The following TNS3 variants were observed in gnomAD, a reference collection of about 807,000 sequenced individuals.
TNS3 encodes tensin-3.
A neutral mutation model predicts 140.9 loss-of-function variants in TNS3; 45 were observed. The observed-to-expected ratio is 0.32, with a 90% CI of 0.25 to 0.41. The LOEUF (loss-of-function observed/expected upper bound fraction) is 0.41, where lower values mean the gene tolerates loss of function less well. Among genes scored for constraint, TNS3 ranks in the 10% least tolerant of loss-of-function variants. The pLI, the probability that TNS3 is intolerant of heterozygous loss-of-function variation, is 1.00. For missense variants in TNS3, 1,716 were observed against 1,906.7 expected (o/e 0.90, Z 1.86); for synonymous variants, 815 against 788.4 (o/e 1.03, Z -0.56).
At chr7:47,428,141 C>T (rs549788526) in intron 9 of TNS3, among the ~76,000 whole-genome samples, 171 bp downstream of exon 9, 1 of 152,250 alleles carries the variant, frequency 6.6e-6, no homozygotes, top group Admixed American at 6.5e-5. Context: ...AGTGTAAACG[C>T]TTAACTGGAA....
At chr7:47,562,281 CATT>C (rs2151999783) in intron 1 of TNS3, among the ~76,000 whole-genome samples, 1 of 152,084 alleles carries the variant, frequency 6.6e-6, no homozygotes, top group African/African-American at 2.4e-5. Context: ...AAATCTTTAT[CATT>C]GATAGTTATC....
rs372105486 is a variant in TNS3, at chr7:47,303,441, G to A, written c.2966C>T (p.Pro989Leu). The change falls in exon 22 of 31, where the codon CCG becomes CTG. Residue 989 changes from proline (P) to leucine (L), a missense_variant. Coordinates refer to ENST00000311160, the MANE Select transcript of TNS3 (RefSeq NM_022748.12). ...GAAAGGAGCCTGGAGCTCTGACGGCGGGAAGCAGGACAGCACTGGGGAGTC... is the reference window on the plus strand; with the variant it reads ...GAAAGGAGCCTGGAGCTCTGACGGCAGGAAGCAGGACAGCACTGGGGAGTC... ...RKDSPVLSCF[P>L]PSELQAPFHS... The A allele has an allele frequency of 4.3e-6, 7 of 1,613,222 alleles. No homozygotes were observed. Among genetic ancestry groups the A allele is most frequent in the African/African-American group, 1.3e-5 (1 of 75,054 alleles).
chr7:47,316,755 G>A (rs1787436224), intron 20 of TNS3, among the ~76,000 whole-genome samples: 1 of 142,554 alleles, frequency 7.0e-6, no homozygotes, highest in African/African-American at 2.6e-5. Context: ...TCCAGCCTGG[G>A]CAACAGAGCG....
chr7:47,477,421 G>A (rs1258421763), intron 4 of TNS3, among the ~76,000 whole-genome samples: 1 of 152,162 alleles, frequency 6.6e-6, no homozygotes, highest in Admixed American at 6.5e-5. Flanking sequence ...GGGGCCGCCA[G>A]CACAGGACAG....
At chr7:47,435,123 T>C (rs1299445852) in intron 8 of TNS3, among the ~76,000 whole-genome samples, 159 bp downstream of exon 8, 1 of 152,118 alleles carries the variant, frequency 6.6e-6, no homozygotes, top group African/African-American at 2.4e-5. Context: ...CTCTGTTTCC[T>C]TCTTTAAGAG....
chr7:47,580,368 T>C (rs1181405311), intron 1 of TNS3, among the ~76,000 whole-genome samples: 1 of 152,222 alleles, frequency 6.6e-6, no homozygotes, highest in African/African-American at 2.4e-5. Context: ...TGAAATGAAA[T>C]GAATGCATGC....
intron 28 of TNS3, among the ~76,000 whole-genome samples, chr7:47,281,043 C>G (rs1463414289): frequency 6.6e-6 from 1 of 152,194 alleles, no homozygotes; most frequent in African/African-American, 2.4e-5. Flanking sequence ...CTCCAGGCTC[C>G]GAGCCTTGGT....
chr7:47,555,621 C>G (rs953378742), intron 1 of TNS3, among the ~76,000 whole-genome samples: 7 of 152,142 alleles, frequency 4.6e-5, no homozygotes, highest in African/African-American at 1.7e-4. Flanking sequence ...CACAGCCACC[C>G]CAACCTTCAG....
intron 1 of TNS3, among the ~76,000 whole-genome samples, chr7:47,580,512 CCACCCCCTGTGCTACCA>C (rs1377963949): frequency 1.9e-4 from 28 of 149,938 alleles, no homozygotes; most frequent in South Asian, 1.5e-3. Context: ...TACACACCCC[CCACCCCCTGTGCTACCA>C]CACCCCCACC....
intron 15 of TNS3, among the ~76,000 whole-genome samples, chr7:47,399,316 GA>G (rs922922326): frequency 3.4e-4 from 50 of 148,680 alleles, no homozygotes; most frequent in African/African-American, 6.9e-4. Context: ...CACGAAATTG[GA>G]AAAAAAAAAT....
chr7:47,484,852 G>A (rs1348994336), intron 3 of TNS3, among the ~76,000 whole-genome samples: 3 of 152,222 alleles, frequency 2.0e-5, no homozygotes, highest in African/African-American at 7.2e-5. Context: ...TCACTGGACA[G>A]AGGGAAGCAC....
chr7:47,366,463 C>T (rs1373084189), intron 17 of TNS3, among the ~76,000 whole-genome samples: 1 of 152,226 alleles, frequency 6.6e-6, no homozygotes, highest in South Asian at 2.1e-4. Context: ...CCGGGCCAGG[C>T]ACTGGGATAG....
intron 17 of TNS3, among the ~76,000 whole-genome samples, chr7:47,347,914 G>A (rs1303335999): frequency 6.6e-6 from 1 of 152,148 alleles, no homozygotes; most frequent in Non-Finnish European, 1.5e-5. Context: ...AGGATTAAAT[G>A]AAATGAAATG....
intron 2 of TNS3, among the ~76,000 whole-genome samples, chr7:47,517,403 C>A (rs1223062339): frequency 6.6e-6 from 1 of 152,158 alleles, no homozygotes; most frequent in Non-Finnish European, 1.5e-5. Context: ...ACAGGGCAAG[C>A]CTCAGATAAG....
chr7:47,468,737 CTAT>C (rs1196933896), intron 4 of TNS3, among the ~76,000 whole-genome samples: 1 of 152,254 alleles, frequency 6.6e-6, no homozygotes, highest in East Asian at 1.9e-4. Context: ...AGAAAAAAAA[CTAT>C]TGTAAAATTC....
intron 3 of TNS3, among the ~76,000 whole-genome samples, chr7:47,485,343 A>G (rs889275658): frequency 5.3e-5 from 8 of 152,200 alleles, no homozygotes; most frequent in African/African-American, 1.9e-4. Flanking sequence ...TGTAGCCCTC[A>G]CAATAAGGCC....
At chr7:47,362,870 A>T (rs200692293) in intron 17 of TNS3, among the ~76,000 whole-genome samples, 1 of 121,628 alleles carries the variant, frequency 8.2e-6, no homozygotes. Context: ...ACCACCATCA[A>T]CATCATCACA....
intron 1 of TNS3, among the ~76,000 whole-genome samples, chr7:47,551,779 G>GT (rs1035641532): frequency 7.2e-5 from 11 of 152,318 alleles, no homozygotes; most frequent in South Asian, 6.2e-4. Context: ...TAAGTAGAGA[G>GT]TAAGAAGTGT....
intron 16 of TNS3, among the ~76,000 whole-genome samples, chr7:47,394,734 T>C (rs960968012): frequency 6.6e-6 from 1 of 152,214 alleles, no homozygotes; most frequent in African/African-American, 2.4e-5. Flanking sequence ...TAAAGGATGG[T>C]GAACACTCAA....
Sources: allele counts gnomAD v4.1 joint callset (sites outside exome capture counted in the v4.1 genomes callset), GRCh38; gene constraint gnomAD v4.1.1; transcripts MANE v1.5; gene names NCBI Gene and HGNC (gene_info 2026-07-23, HGNC 2026-07-21).